The following SLC35D4 variants were observed in gnomAD, a reference collection of about 807,000 sequenced individuals.
SLC35D4 encodes the protein UDP-N-acetylglucosamine transporter SLC35D4.
At chr18:23,408,357 T>C in the SLC35D4 span, among the ~76,000 whole-genome samples, 6 of 152,222 alleles carry the variant, frequency 3.9e-5, no homozygotes, top group East Asian at 1.9e-4. Context: ...GCCTGGCATA[T>C]AGCAGACACT....
the SLC35D4 span, among the ~76,000 whole-genome samples, chr18:23,371,945 T>TTTTTTTTTTTTTTTTTTTTG: frequency 2.7e-5 from 2 of 73,346 alleles, no homozygotes; most frequent in Non-Finnish European, 5.2e-5. Flanking sequence ...GTTTTTTTTT[T>TTTTTTTTTTTTTTTTTTTTG]TTTTTTTTGA....
At chr18:23,276,529 G>C in the SLC35D4 span, among the ~76,000 whole-genome samples, 1 of 151,924 alleles carries the variant, frequency 6.6e-6, no homozygotes, top group African/African-American at 2.4e-5. Flanking sequence ...GCCCCAGCCT[G>C]GGGAGGAGGA....
the SLC35D4 span, chr18:23,257,340 C>A: frequency 1.1e-5 from 17 of 1,611,316 alleles, no homozygotes; most frequent in South Asian, 1.9e-4. Flanking sequence ...TCATGCCCCA[C>A]TACAGACGGC....
At chr18:23,286,829 A>T in the SLC35D4 span, among the ~76,000 whole-genome samples, 2 of 151,804 alleles carry the variant, frequency 1.3e-5, no homozygotes, top group Non-Finnish European at 2.9e-5. Context: ...GAGACACTTT[A>T]ACTAAATTAT....
chr18:23,354,345 C>CAA, the SLC35D4 span, among the ~76,000 whole-genome samples: 3,848 of 98,882 alleles, frequency 0.039, 170 homozygotes, highest in East Asian at 0.13. Context: ...ACTAAAAATA[C>CAA]AAAAAAAAAA....
the SLC35D4 span, chr18:23,257,044 T>A: frequency 1.6e-6 from 1 of 636,384 alleles, no homozygotes; most frequent in Non-Finnish European, 2.7e-6. Flanking sequence ...GAGCAGCTCC[T>A]TCACAACCAG....
At chr18:23,421,458 G>C in the SLC35D4 span, 34 of 1,613,622 alleles carry the variant, frequency 2.1e-5, no homozygotes, top group Non-Finnish European at 2.8e-5. Flanking sequence ...GAAAGGACAA[G>C]GGGCAATGTG....
At chr18:23,320,743 A>G in the SLC35D4 span, among the ~76,000 whole-genome samples, 4 of 152,090 alleles carry the variant, frequency 2.6e-5, no homozygotes, top group South Asian at 2.1e-4. Flanking sequence ...GCCCTCCCAG[A>G]CTTGTGTTTA....
the SLC35D4 span, among the ~76,000 whole-genome samples, chr18:23,410,350 G>A: frequency 5.3e-5 from 8 of 151,938 alleles, no homozygotes; most frequent in South Asian, 2.1e-4. Context: ...GGTGGTGGGC[G>A]CCTGTAGTCC....
the SLC35D4 span, among the ~76,000 whole-genome samples, chr18:23,308,645 T>C: frequency 6.6e-6 from 1 of 152,108 alleles, no homozygotes; most frequent in Non-Finnish European, 1.5e-5. Flanking sequence ...TCTTGCTTCC[T>C]CCCCACCCCT....
the SLC35D4 span, among the ~76,000 whole-genome samples, chr18:23,314,124 C>G: frequency 6.6e-6 from 1 of 152,224 alleles, no homozygotes; most frequent in Non-Finnish European, 1.5e-5. Flanking sequence ...CCAGCTGCAC[C>G]TTCAGAGCTC....
At chr18:23,394,983 C>CA in the SLC35D4 span, among the ~76,000 whole-genome samples, 24,176 of 53,984 alleles carry the variant, frequency 0.45, 4,687 homozygotes, top group East Asian at 0.59. Context: ...AACTCCATCT[C>CA]AAAAAAAAAA....
At chr18:23,404,112 G>T in the SLC35D4 span, among the ~76,000 whole-genome samples, 1 of 151,736 alleles carries the variant, frequency 6.6e-6, no homozygotes. Context: ...GCAAGACTCT[G>T]TCTCAGAAAA....
chr18:23,419,353 C>T, the SLC35D4 span, among the ~76,000 whole-genome samples: 3 of 151,700 alleles, frequency 2.0e-5, no homozygotes, highest in Non-Finnish European at 2.9e-5. Flanking sequence ...AGTGCAGTGG[C>T]GCAATCTTGG....
chr18:23,251,571 A>G, the SLC35D4 span, among the ~76,000 whole-genome samples: 1 of 152,226 alleles, frequency 6.6e-6, no homozygotes, highest in Non-Finnish European at 1.5e-5. Context: ...TGTTTAATTC[A>G]GAGTTCACAG....
At chr18:23,312,731 C>G in the SLC35D4 span, among the ~76,000 whole-genome samples, 7 of 152,180 alleles carry the variant, frequency 4.6e-5, no homozygotes, top group Admixed American at 4.6e-4. Flanking sequence ...CCTATCTCCC[C>G]TCTCTGCATT....
chr18:23,249,962 G>A, the SLC35D4 span, among the ~76,000 whole-genome samples: 1 of 152,194 alleles, frequency 6.6e-6, no homozygotes, highest in African/African-American at 2.4e-5. Context: ...TCAGGTCTGG[G>A]GTGAGCCTTT....
chr18:23,317,173 A>ACC, the SLC35D4 span, among the ~76,000 whole-genome samples: 1 of 113,562 alleles, frequency 8.8e-6, no homozygotes, highest in African/African-American at 2.9e-5. Context: ...ACACACACAC[A>ACC]CACACACACC....
At chr18:23,419,841 A>G in the SLC35D4 span, among the ~76,000 whole-genome samples, 1,740 of 152,290 alleles carry the variant, frequency 0.011, 40 homozygotes, top group African/African-American at 0.04. Context: ...AATACACCCT[A>G]AAGAATTCAG....
Sources: gnomAD v4.1 joint callset for allele counts (sites outside exome capture counted in the v4.1 genomes callset) on GRCh38, gnomAD v4.1.1 for gene constraint, MANE v1.5 for transcripts, NCBI Gene and HGNC (gene_info 2026-07-23, HGNC 2026-07-21) for gene names.